Variants in ADCY1 observed in about 807,000 individuals in gnomAD.
ADCY1 encodes adenylate cyclase type 1.
ADCY1 carries 28 observed loss-of-function variants against 105.4 expected under a neutral mutation model. The observed-to-expected ratio is 0.27, with a 90% CI of 0.20 to 0.36. The LOEUF is 0.36. ADCY1 is among the 10% of genes least tolerant of loss of function. The pLI is 1.00. For synonymous variants in ADCY1, 655 were observed against 623.8 expected (o/e 1.05, Z -0.75); for missense variants, 977 against 1,434.2 (o/e 0.68, Z 5.15).
intron 14 of ADCY1, among the ~76,000 whole-genome samples, chr7:45,687,984 A>C (rs1784718202): frequency 6.6e-6 from 1 of 152,250 alleles, no homozygotes; most frequent in Non-Finnish European, 1.5e-5. Flanking sequence ...AAGCGTGGCC[A>C]GGACCAGCTG....
chr7:45,664,042 A>C (rs1795202353), intron 8 of ADCY1, among the ~76,000 whole-genome samples: 1 of 152,128 alleles, frequency 6.6e-6, no homozygotes. Flanking sequence ...ATTGTGGCCA[A>C]CTGACCTAGC....
intron 3 of ADCY1, among the ~76,000 whole-genome samples, chr7:45,611,328 C>T (rs576192088): frequency 1.3e-4 from 20 of 152,000 alleles, no homozygotes; most frequent in African/African-American, 4.8e-4. Context: ...TTGGGTGATG[C>T]ATGTTACAGT....
At chr7:45,577,553 T>C (rs1039240183) in intron 1 of ADCY1, among the ~76,000 whole-genome samples, 13 of 152,234 alleles carry the variant, frequency 8.5e-5, no homozygotes, top group Non-Finnish European at 1.5e-4. Flanking sequence ...TACCATCCAC[T>C]TTCTATTCAG....
chr7:45,594,149 G>A (rs2115786030), intron 2 of ADCY1, among the ~76,000 whole-genome samples: 1 of 152,256 alleles, frequency 6.6e-6, no homozygotes, highest in Non-Finnish European at 1.5e-5. Context: ...AGATGTGTTT[G>A]CGTGGGCATG....
chr7:45,663,914 C>T (rs572352846), intron 8 of ADCY1, among the ~76,000 whole-genome samples: 4 of 152,072 alleles, frequency 2.6e-5, no homozygotes, highest in Admixed American at 1.3e-4. Context: ...ATAGGAACCA[C>T]GGCAGTGGAA....
intron 4 of ADCY1, among the ~76,000 whole-genome samples, chr7:45,641,653 G>A (rs1794526601): frequency 1.3e-5 from 2 of 151,930 alleles, no homozygotes; most frequent in Non-Finnish European, 2.9e-5. Flanking sequence ...TCGGCCGGGC[G>A]CGGTGGCTCA....
chr7:45,678,344 G>C, intron 10 of ADCY1, 81 bp downstream of exon 10: 8 of 1,375,264 alleles, frequency 5.8e-6, no homozygotes, highest in Non-Finnish European at 7.3e-6. Flanking sequence ...TCTGGGGTTC[G>C]TGGTTGTGTT....
At chr7:45,610,759 T>A (rs878934050) in intron 3 of ADCY1, among the ~76,000 whole-genome samples, 25 of 1,300 alleles carry the variant, frequency 0.019, 1 homozygote, top group East Asian at 0.026. Context: ...GATGGAGGTG[T>A]AGAGGTGATA....
chr7:45,720,771 C>T lies in ADCY1; in HGVS notation c.*6776C>T, dbSNP rs1045127135. 1.3e-5 allele frequency: 2 copies of T among 152,170 alleles called. No homozygotes were observed. The highest frequency in any genetic ancestry group is 2.9e-5 in the Non-Finnish European group (2 of 68,036). The allele number at this position is 152,170 out of a possible 1,614,324, so 9.4% of individuals were successfully genotyped here. On this transcript the variant is annotated 3_prime_UTR_variant, in exon 20 of 20. Coordinates refer to ENST00000297323, the MANE Select transcript of ADCY1 (RefSeq NM_021116.4). ...AGTCTCCATGGGTCTTTTGCCGTGA[C>T]CACAAATAAAGGAAACACTCATCAC...
At chr7:45,602,885 A>G (rs896221819) in intron 2 of ADCY1, among the ~76,000 whole-genome samples, 3 of 152,226 alleles carry the variant, frequency 2.0e-5, no homozygotes, top group African/African-American at 4.8e-5. Context: ...TTAGTATACA[A>G]TAATCTAAAT....
intron 9 of ADCY1, 37 bp from the exon 10 acceptor site, chr7:45,678,129 C>A: frequency 6.2e-7 from 1 of 1,613,720 alleles, no homozygotes; most frequent in Non-Finnish European, 8.5e-7. Flanking sequence ...CTGGAGGAAG[C>A]CCTCAGCCCT....
In ADCY1 at chr7:45,583,937, G is replaced by GTTTTTTTTT. The variant is rs869216986; in HGVS notation, c.639+8775_639+8783dup. On this transcript the variant is annotated intron_variant, in intron 1 of 19. Coordinates refer to ENST00000297323, the MANE Select transcript of ADCY1 (RefSeq NM_021116.4). Reference sequence around the variant, plus strand: ...TTACAGGCATGAGCCACTGTGCCCTGTTTTTTTTTTTTTTTTTTTTTTTTT... The same window carrying GTTTTTTTTT: ...TTACAGGCATGAGCCACTGTGCCCTGTTTTTTTTTTTTTTTTTTTTTTTTTTTTTTTTTT... Among the ~76,000 whole-genome samples, 50 of 56,890 alleles carry GTTTTTTTTT rather than the reference G, an allele frequency of 8.8e-4. 2 individuals carry two copies. The highest frequency in any genetic ancestry group is 5.8e-3 in the East Asian group (8 of 1,386). 37.3% of individuals were successfully genotyped at this position (56,890 alleles called of 152,430 possible).
At chr7:45,657,016 G>T (rs544930385) in intron 5 of ADCY1, among the ~76,000 whole-genome samples, 1 of 152,232 alleles carries the variant, frequency 6.6e-6, no homozygotes, top group Non-Finnish European at 1.5e-5. Flanking sequence ...ATTCGGCCAG[G>T]CTGGCCTGGG....
intron 1 of ADCY1, among the ~76,000 whole-genome samples, chr7:45,589,184 C>T (rs1792827478): frequency 6.6e-6 from 1 of 152,148 alleles, no homozygotes; most frequent in Admixed American, 6.5e-5. Context: ...CCAGCACAGC[C>T]CTTGCTGGGA....
intron 2 of ADCY1, among the ~76,000 whole-genome samples, chr7:45,593,504 C>T (rs1329388198): frequency 1.3e-5 from 2 of 152,156 alleles, no homozygotes; most frequent in Non-Finnish European, 2.9e-5. Context: ...AGGTTCCCAC[C>T]GCCCTCTATG....
In ADCY1 at chr7:45,648,651, G is replaced by A. The variant is rs1403428598; in HGVS notation, c.1021-19G>A. 6.2e-7 allele frequency: 1 copy of A among 1,613,906 alleles called. No homozygotes were observed. The highest frequency in any genetic ancestry group is 1.3e-5 in the African/African-American group (1 of 74,932). ...TCTGTAGCGCTGTCTCTTACCATGT[G>A]CCTTGCCCTTCCCTGAAGGAGAACC... On this transcript the variant is annotated intron_variant, in intron 4 of 19. Coordinates refer to ENST00000297323, the MANE Select transcript of ADCY1 (RefSeq NM_021116.4).
intron 2 of ADCY1, among the ~76,000 whole-genome samples, chr7:45,593,868 T>G (rs1792996024): frequency 6.6e-6 from 1 of 152,236 alleles, no homozygotes; most frequent in Non-Finnish European, 1.5e-5. Context: ...AGATCACATA[T>G]GTATGTTTAG....
In ADCY1 at chr7:45,681,563, C is replaced by CT. The variant is rs1206127559; in HGVS notation, c.1983+1771dup. Among the ~76,000 whole-genome samples, 4 of 152,182 alleles carry CT rather than the reference C, an allele frequency of 2.6e-5. No homozygotes were observed. The East Asian group carries it at 7.7e-4, about 29-fold the overall frequency. On this transcript the variant is annotated intron_variant, in intron 11 of 19. Transcript: ENST00000297323. ...TGTTGTGGAAGAAGCAGAGTGGAGA[C>CT]TAAGTGCCCAGACTTCTCAGCTAGG...
At chr7:45,635,135 T>A (rs529448986) in intron 4 of ADCY1, among the ~76,000 whole-genome samples, 109 of 133,526 alleles carry the variant, frequency 8.2e-4, no homozygotes, top group African/African-American at 2.8e-3. Context: ...GCTAGTGAGG[T>A]CAGTTTTTTT....
Sources: gnomAD v4.1 joint callset for allele counts (sites outside exome capture counted in the v4.1 genomes callset) on GRCh38, gnomAD v4.1.1 for gene constraint, MANE v1.5 for transcripts, NCBI Gene and HGNC (gene_info 2026-07-23, HGNC 2026-07-21) for gene names.